Variants in MORC2 observed in about 807,000 individuals in gnomAD.
MORC2 encodes the protein ATPase MORC2.
MORC2 carries 30 observed loss-of-function variants against 136.0 expected under a neutral mutation model. The observed-to-expected ratio is 0.22, with a 90% confidence interval of 0.17 to 0.30. The LOEUF is 0.30. Ranked by LOEUF, MORC2 falls within the 10% of genes least tolerant of loss-of-function variation. The pLI, the probability that MORC2 is intolerant of heterozygous loss-of-function variation, is 1.00. For synonymous variants in MORC2, 439 were observed against 487.0 expected, an observed-to-expected ratio of 0.90 and a Z score of 1.30; for missense variants, 922 against 1,333.1, an observed-to-expected ratio of 0.69 and a Z score of 4.80.
intron 6 of MORC2, among the ~76,000 whole-genome samples, chr22:30,944,005 G>A (rs1428575264): frequency 2.6e-5 from 4 of 152,218 alleles, no homozygotes; most frequent in Non-Finnish European, 4.4e-5. Context: ...TGATCTGCCC[G>A]CCTCAGCCTC....
At chr22:30,963,973 G>A (rs1255942000) in intron 1 of MORC2, among the ~76,000 whole-genome samples, 2 of 152,132 alleles carry the variant, frequency 1.3e-5, no homozygotes, top group Non-Finnish European at 2.9e-5. Context: ...ATATATTTAA[G>A]ATATGAGCCT....
At chr22:30,962,407 T>C (rs2041060554) in intron 1 of MORC2, among the ~76,000 whole-genome samples, 1 of 151,270 alleles carries the variant, frequency 6.6e-6, no homozygotes. Flanking sequence ...CTACAAAAAG[T>C]AGAGAAATAA....
At chr22:30,965,598 A>T (rs2041116252) in intron 1 of MORC2, among the ~76,000 whole-genome samples, 1 of 152,204 alleles carries the variant, frequency 6.6e-6, no homozygotes, top group African/African-American at 2.4e-5. Flanking sequence ...AGCTTCCAAA[A>T]TGATACTCCA....
At chr22:30,955,841 G>A (rs991494480) in intron 3 of MORC2, among the ~76,000 whole-genome samples, 3 of 151,338 alleles carry the variant, frequency 2.0e-5, no homozygotes, top group Non-Finnish European at 4.4e-5. Context: ...AAACCCCGTC[G>A]CTACTAAAAA....
chr22:30,965,800 T>C (rs1039543857), intron 1 of MORC2, among the ~76,000 whole-genome samples: 15 of 152,218 alleles, frequency 9.9e-5, no homozygotes, highest in Non-Finnish European at 1.8e-4. Flanking sequence ...TAGAGATTCA[T>C]TGAGATAAAC....
rs536191452 is a variant in MORC2 at position 30,929,695 on chromosome 22, A to G, written c.2842-1488T>C. The stretch of plus-strand genomic sequence containing the variant: ...AGAATGGTGTGAACCCGGGAGGCAG[A>G]GCTGGCAGTGAGCCGAGATTGCGCC... On this transcript the variant is annotated intron_variant, in intron 24 of 25. Transcript: ENST00000397641. Among the ~76,000 whole-genome samples, 4 of 152,242 alleles carry G rather than the reference A, an allele frequency of 2.6e-5. No individual in the cohort carries two copies. The South Asian group carries it at 8.3e-4, about 32-fold the overall frequency.
intron 3 of MORC2, among the ~76,000 whole-genome samples, chr22:30,951,937 C>A (rs895724692): frequency 6.6e-6 from 1 of 151,960 alleles, no homozygotes; most frequent in African/African-American, 2.4e-5. Context: ...TCCAGAGTAG[C>A]TTCTGTAAGG....
Position 30,956,786 on chromosome 22 carries a change from G to A in MORC2, c.134C>T (p.Ala45Val). ...ACCTGCATAAATATCTATTCTGGTG[G>A]CATCAGCATCTCTGCAAAGTGAAAA... ...ELVDNARDAD[A>V]TRIDIYAERR... The change falls in exon 3 of 26, where the codon GCC becomes GTC. Residue 45 changes from alanine (A) to valine (V), a missense_variant. Ala to Val is a moderately conservative substitution (Grantham distance 64). Transcript: ENST00000397641. The A allele has an allele frequency of 6.5e-7, 1 of 1,545,758 alleles. No homozygotes were observed. The highest frequency in any genetic ancestry group is 8.7e-7 in the Non-Finnish European group (1 of 1,143,244).
At chr22:30,962,964 A>G (rs2041071544) in intron 1 of MORC2, among the ~76,000 whole-genome samples, 2 of 152,116 alleles carry the variant, frequency 1.3e-5, no homozygotes, top group Non-Finnish European at 1.5e-5. Context: ...GATAGAGTAA[A>G]CATCAAAAGA....
rs1253183283 is a variant in MORC2, at chr22:30,928,239, T to A, written c.2842-32A>T. 5 of 1,612,774 alleles carry A rather than the reference T, an allele frequency of 3.1e-6. No individual in the cohort carries two copies. In the South Asian group the frequency reaches 5.5e-5, roughly 18 times the overall value. On this transcript the variant is annotated intron_variant, in intron 24 of 25. Coordinates refer to ENST00000397641, the MANE Select transcript of MORC2 (RefSeq NM_001303256.3). Reference sequence around the variant, plus strand: ...GGAGCAGAGCAAGAGGGAGAGTGTGTAAGTTCACAGGGGTCCCCAGGGCCC... The same window carrying A: ...GGAGCAGAGCAAGAGGGAGAGTGTGAAAGTTCACAGGGGTCCCCAGGGCCC...
chr22:30,955,705 T>C (rs893380502), intron 3 of MORC2, among the ~76,000 whole-genome samples: 2 of 152,176 alleles, frequency 1.3e-5, no homozygotes, highest in East Asian at 1.9e-4. Flanking sequence ...ACTAGTCGAA[T>C]TGTATTTAAA....
At chr22:30,958,401 G>A (rs888525791) in intron 2 of MORC2, among the ~76,000 whole-genome samples, 3 of 152,186 alleles carry the variant, frequency 2.0e-5, no homozygotes, top group Admixed American at 6.5e-5. Flanking sequence ...TTTTGGAGGT[G>A]ATAACTCACT....
chr22:30,950,555 A>G (rs1316007880), intron 3 of MORC2, 110 bp from the exon 4 acceptor site: 1 of 1,067,376 alleles, frequency 9.4e-7, no homozygotes, highest in East Asian at 2.5e-5. Context: ...AGGTCAGGTC[A>G]AGCCTAAACT....
At chr22:30,967,117 C>T in intron 1 of MORC2, 3 of 985,410 alleles carry the variant, frequency 3.0e-6, no homozygotes, top group Non-Finnish European at 3.6e-6. Flanking sequence ...AGTTTTGACG[C>T]TACTGGACAG....
chr22:30,958,871 C>T, intron 1 of MORC2, 177 bp from the exon 2 acceptor site: 1 of 558,096 alleles, frequency 1.8e-6, no homozygotes, highest in Non-Finnish European at 3.2e-6. Context: ...AATTGTTAAT[C>T]TTTAACAAGT....
intron 17 of MORC2, among the ~76,000 whole-genome samples, chr22:30,936,115 A>G (rs1376803532): frequency 2.0e-5 from 3 of 152,224 alleles, no homozygotes; most frequent in Non-Finnish European, 2.9e-5. Flanking sequence ...AAACATATAC[A>G]TGGCATTATC....
At chr22:30,938,578 A>G (rs1471056248) in intron 12 of MORC2, among the ~76,000 whole-genome samples, 1 of 151,598 alleles carries the variant, frequency 6.6e-6, no homozygotes, top group African/African-American at 2.4e-5. Context: ...AATTATTATA[A>G]TTTTTTTTTG....
intron 1 of MORC2, among the ~76,000 whole-genome samples, chr22:30,961,898 A>G (rs1318323267): frequency 6.6e-6 from 1 of 152,192 alleles, no homozygotes; most frequent in Admixed American, 6.5e-5. Context: ...CACCTGCCAC[A>G]CAGTGCTTAG....
At position 30,940,726 on chromosome 22, in the gene MORC2, C is replaced by T. The variant is rs561213514; in HGVS notation, c.904+32G>A. On this transcript the variant is annotated intron_variant, in intron 10 of 25. Coordinates refer to ENST00000397641, the MANE Select transcript of MORC2 (RefSeq NM_001303256.3). The stretch of plus-strand genomic sequence containing the variant: ...CAAGCAGCATACCCCAGATGCACAC[C>T]CCCCCAACTCCTGCACCCAGAGTGG... The T allele has an allele frequency of 2.5e-6, 4 of 1,597,572 alleles. No homozygotes were observed. In the East Asian group the frequency reaches 6.7e-5, roughly 27 times the overall value.
Sources: gnomAD v4.1 joint callset for allele counts (sites outside exome capture counted in the v4.1 genomes callset) on GRCh38, gnomAD v4.1.1 for gene constraint, MANE v1.5 for transcripts, NCBI Gene and HGNC (gene_info 2026-07-23, HGNC 2026-07-21) for gene names.